The following DCC variants were observed in gnomAD, a reference collection of about 807,000 sequenced individuals.
The protein encoded by DCC is netrin receptor DCC.
A neutral mutation model predicts 172.5 loss-of-function variants in DCC; 58 were observed. That is an observed-to-expected ratio of 0.34 (90% confidence interval 0.27 to 0.42). The LOEUF (loss-of-function observed/expected upper bound fraction) is 0.42. DCC is among the 10% of genes least tolerant of loss of function. The probability of loss-of-function intolerance (pLI) is 1.00; values close to 1 mark genes in which losing one functional copy is unlikely to be tolerated. For synonymous variants in DCC, 709 were observed against 644.5 expected (o/e 1.10, Z -1.52); for missense variants, 1,740 against 1,791.0 (o/e 0.97, Z 0.51).
chr18:53,296,014 A>G (rs561241734), intron 12 of DCC, among the ~76,000 whole-genome samples: 1 of 152,330 alleles, frequency 6.6e-6, no homozygotes, highest in African/African-American at 2.4e-5. Flanking sequence ...CCCTGCACAG[A>G]GGAAGTTTCT....
At chr18:53,288,341 G>A (rs574357191) in intron 12 of DCC, among the ~76,000 whole-genome samples, 1 of 152,014 alleles carries the variant, frequency 6.6e-6, no homozygotes, top group Non-Finnish European at 1.5e-5. Context: ...ATGGACAATG[G>A]CATATTCTGA....
chr18:52,561,231 A>T (rs927111471), intron 1 of DCC, among the ~76,000 whole-genome samples: 12 of 151,992 alleles, frequency 7.9e-5, no homozygotes, highest in African/African-American at 2.7e-4. Context: ...ATATCTATTC[A>T]TATTTTAGAA....
chr18:52,891,293 G>C (rs1228281838), intron 2 of DCC, among the ~76,000 whole-genome samples: 1 of 152,008 alleles, frequency 6.6e-6, no homozygotes, highest in African/African-American at 2.4e-5. Context: ...TTAGGGCAAT[G>C]ATGGGGAATG....
chr18:53,473,287 T>C (rs1191520680), intron 25 of DCC, among the ~76,000 whole-genome samples: 1 of 152,248 alleles, frequency 6.6e-6, no homozygotes, highest in Non-Finnish European at 1.5e-5. Context: ...GTAATGTATC[T>C]AATTCATCTT....
In DCC at chr18:52,840,472, G is replaced by T. The variant is rs74652478; in HGVS notation, c.413-65572G>T. Among the ~76,000 whole-genome samples the T allele has an allele frequency of 1.2e-4, 18 of 152,194 alleles. 1 individual carries two copies. In the East Asian group the frequency reaches 3.5e-3, roughly 29 times the overall value. The stretch of plus-strand genomic sequence containing the variant: ...TGCATTCTCAGTAACACCAATATTT[G>T]TAGAACCATTCTAAGTGTAACTTTG... On this transcript the variant is annotated intron_variant, in intron 2 of 28. Coordinates refer to ENST00000442544, the MANE Select transcript of DCC (RefSeq NM_005215.4).
intron 22 of DCC, among the ~76,000 whole-genome samples, chr18:53,447,428 T>C (rs549094062): frequency 1.3e-5 from 2 of 152,296 alleles, no homozygotes; most frequent in Admixed American, 1.3e-4. Context: ...GGAGTCCTCA[T>C]GAACCCCGAC....
intron 7 of DCC, among the ~76,000 whole-genome samples, chr18:53,133,492 T>G (rs145802600): frequency 4.1e-4 from 62 of 152,302 alleles, no homozygotes; most frequent in African/African-American, 1.3e-3. Context: ...TGAGATACTT[T>G]CCTAGAATCA....
intron 7 of DCC, among the ~76,000 whole-genome samples, chr18:53,078,241 T>C (rs548589204): frequency 2.1e-3 from 326 of 152,182 alleles, no homozygotes; most frequent in African/African-American, 7.4e-3. Flanking sequence ...CAGTGAAATA[T>C]GATGGGGCCA....
intron 8 of DCC, among the ~76,000 whole-genome samples, chr18:53,177,297 A>T (rs540017602): frequency 6.9e-4 from 105 of 152,122 alleles, no homozygotes; most frequent in Middle Eastern, 3.4e-3. Flanking sequence ...AACCTGCACA[A>T]TGTGCACATG....
intron 12 of DCC, among the ~76,000 whole-genome samples, chr18:53,228,665 C>G (rs1046674183): frequency 5.3e-5 from 8 of 152,186 alleles, no homozygotes; most frequent in African/African-American, 1.9e-4. Context: ...TCTGACTATA[C>G]TTAACTTTGA....
At chr18:52,723,873 A>T (rs1286857224) in intron 1 of DCC, among the ~76,000 whole-genome samples, 3 of 152,140 alleles carry the variant, frequency 2.0e-5, no homozygotes, top group Non-Finnish European at 4.4e-5. Context: ...CAGGCATCCT[A>T]AGTGCTTGAT....
intron 1 of DCC, among the ~76,000 whole-genome samples, chr18:52,653,372 T>C (rs2035180905): frequency 6.6e-6 from 1 of 152,230 alleles, no homozygotes; most frequent in Non-Finnish European, 1.5e-5. Flanking sequence ...AGGAGATTTA[T>C]GTTTTAAAAA....
At chr18:53,175,778 A>G (rs2055083342) in intron 8 of DCC, among the ~76,000 whole-genome samples, 1 of 151,944 alleles carries the variant, frequency 6.6e-6, no homozygotes, top group Non-Finnish European at 1.5e-5. Flanking sequence ...ATTCAATGCC[A>G]TCCCCATCAA....
intron 12 of DCC, among the ~76,000 whole-genome samples, chr18:53,261,546 G>A (rs939518064): frequency 3.0e-4 from 46 of 152,078 alleles, no homozygotes; most frequent in Admixed American, 1.3e-4. Flanking sequence ...TTTGAGGTGG[G>A]CAGGCCTATG....
chr18:52,507,339 G>A lies in DCC; in HGVS notation c.91+166461G>A, dbSNP rs1480862081. ...TCCGAGTCAAATATATTAACACAGT[G>A]CTTGTAAGTGTATTAGTATAAAACT... is the stretch of plus-strand genomic sequence containing the variant. On this transcript the variant is annotated intron_variant, in intron 1 of 28. Coordinates refer to ENST00000442544, the MANE Select transcript of DCC (RefSeq NM_005215.4). Among the ~76,000 whole-genome samples the A allele has an allele frequency of 9.2e-5, 14 of 152,224 alleles. 1 individual carries two copies. Among genetic ancestry groups the A allele is most frequent in the Admixed American group, 7.8e-4 (12 of 15,292 alleles).
chr18:52,975,214 G>A (rs115976940), intron 5 of DCC, among the ~76,000 whole-genome samples: 3,226 of 152,254 alleles, frequency 0.021, 96 homozygotes, highest in African/African-American at 0.072. Context: ...TCAAGGTGCT[G>A]GCAAGGTTGG....
chr18:53,206,339 GTATA>G (rs201714223), intron 10 of DCC, among the ~76,000 whole-genome samples: 1 of 46,724 alleles, frequency 2.1e-5, no homozygotes, highest in African/African-American at 8.0e-5. Context: ...ACACATATAT[GTATA>G]TATGTATATA....
chr18:52,597,171 CTT>C (rs1173984062), intron 1 of DCC, among the ~76,000 whole-genome samples: 2 of 152,166 alleles, frequency 1.3e-5, no homozygotes, highest in Non-Finnish European at 2.9e-5. Context: ...CAGAAGGTGT[CTT>C]TGAAACGGCC....
chr18:52,922,854 G>A (rs558941359), intron 3 of DCC, among the ~76,000 whole-genome samples: 4 of 152,112 alleles, frequency 2.6e-5, no homozygotes, highest in Admixed American at 6.6e-5. Flanking sequence ...TTGCATTTGG[G>A]GCTTAGAACT....
Sources: allele counts gnomAD v4.1 joint callset (sites outside exome capture counted in the v4.1 genomes callset), GRCh38; gene constraint gnomAD v4.1.1; transcripts MANE v1.5; gene names NCBI Gene and HGNC (gene_info 2026-07-23, HGNC 2026-07-21).